The following CNBD1 variants were observed in gnomAD, a reference collection of about 807,000 sequenced individuals.
The protein encoded by CNBD1 is cyclic nucleotide binding domain containing 1, also known as cyclic nucleotide-binding domain-containing protein 1.
In CNBD1, 71 loss-of-function variants were observed where a neutral mutation model predicts 54.4. The observed-to-expected ratio is 1.30, with a 90% CI of 1.08 to 1.59. The LOEUF is 1.59. Ranked by LOEUF, CNBD1 falls within the 40% of genes most tolerant of loss-of-function variation. The pLI is 0.00. For synonymous variants in CNBD1, 182 were observed against 170.7 expected (o/e 1.07, Z -0.51); for missense variants, 659 against 518.0 (o/e 1.27, Z -2.64).
chr8:87,427,825 A>G (rs1586097640), intron 2 of CNBD1, among the ~76,000 whole-genome samples: 1 of 152,230 alleles, frequency 6.6e-6, no homozygotes, highest in African/African-American at 2.4e-5. Context: ...TTTTTCATGC[A>G]TTCAAGATGC....
chr8:87,418,626 G>C (rs530113361), intron 2 of CNBD1, among the ~76,000 whole-genome samples: 1 of 151,790 alleles, frequency 6.6e-6, no homozygotes, highest in East Asian at 1.9e-4. Context: ...TTAGGATCTA[G>C]TTTCTAGAAT....
chr8:87,409,745 G>T (rs1807708806), intron 2 of CNBD1, among the ~76,000 whole-genome samples: 1 of 152,080 alleles, frequency 6.6e-6, no homozygotes, highest in South Asian at 2.1e-4. Context: ...TAATTTGGCT[G>T]GGTGTGGTGG....
Position 87,380,022 on chromosome 8 carries a change from AG to A in CNBD1, c.1304-2596del, listed in dbSNP as rs199755500. 8.1e-3 allele frequency among the ~76,000 whole-genome samples: 1,222 copies of A among 151,304 alleles called. 6 individuals carry two copies. Among genetic ancestry groups the A allele is most frequent in the African/African-American group, 0.028 (1,153 of 40,884 alleles). On this transcript the variant is annotated intron_variant, in intron 10 of 10. Transcript: ENST00000518476. The stretch of plus-strand genomic sequence containing the variant: ...ACATCATCCACTGGTGCCACTTGGG[AG>A]GTTTTAGATAATGCAAGACAATAAT...
At chr8:86,946,272 A>G (rs1182302457) in intron 4 of CNBD1, among the ~76,000 whole-genome samples, 1 of 152,174 alleles carries the variant, frequency 6.6e-6, no homozygotes, top group Admixed American at 6.6e-5. Flanking sequence ...TTATGAATAA[A>G]TAACAGCTAT....
intron 6 of CNBD1, among the ~76,000 whole-genome samples, chr8:87,282,808 G>A (rs1281854950): frequency 3.3e-5 from 5 of 151,910 alleles, no homozygotes; most frequent in Non-Finnish European, 7.4e-5. Context: ...AAATTAAATG[G>A]ACAATATCTG....
chr8:86,958,334 G>C (rs996235316), intron 4 of CNBD1, among the ~76,000 whole-genome samples: 1 of 152,140 alleles, frequency 6.6e-6, no homozygotes, highest in African/African-American at 2.4e-5. Context: ...AGTTCTGTAG[G>C]TGTCTATTAG....
intron 8 of CNBD1, among the ~76,000 whole-genome samples, chr8:87,316,172 A>C (rs1809379976): frequency 6.6e-6 from 1 of 152,030 alleles, no homozygotes; most frequent in Admixed American, 6.6e-5. Context: ...ACAAACAGCA[A>C]GCTGTAATAT....
intron 4 of CNBD1, among the ~76,000 whole-genome samples, chr8:86,972,348 C>T (rs993157492): frequency 6.6e-6 from 1 of 151,972 alleles, no homozygotes; most frequent in East Asian, 1.9e-4. Context: ...AGTGATTTAC[C>T]ATATTGTGTG....
rs148020675 is a variant in CNBD1 at position 87,387,887 on chromosome 8, G to T, written c.213+34101G>T. On this transcript the variant is annotated intron_variant, in intron 2 of 7. Coordinates refer to the CNBD1 transcript ENST00000521593. ...CACTCCTCAGCAAGTGTAGAAAATA[G>T]AAATTATAACAAACTGTCTCTCAGA... 5.2e-3 allele frequency among the ~76,000 whole-genome samples: 784 copies of T among 152,188 alleles called. 15 individuals are homozygous for T. Among genetic ancestry groups the T allele is most frequent in the African/African-American group, 0.018 (757 of 41,542 alleles).
At chr8:87,404,232 G>A (rs1009970431) in intron 2 of CNBD1, among the ~76,000 whole-genome samples, 1 of 151,962 alleles carries the variant, frequency 6.6e-6, no homozygotes, top group Non-Finnish European at 1.5e-5. Flanking sequence ...TCAAAAGTTG[G>A]AACAGCTTGT....
At chr8:86,914,173 G>A (rs888135767) in intron 3 of CNBD1, among the ~76,000 whole-genome samples, 13 of 152,094 alleles carry the variant, frequency 8.5e-5, no homozygotes, top group African/African-American at 2.9e-4. Context: ...GTCCTGAGGC[G>A]ACATACATCC....
chr8:86,937,348 G>A (rs553771453), intron 3 of CNBD1, among the ~76,000 whole-genome samples: 2 of 152,206 alleles, frequency 1.3e-5, no homozygotes, highest in African/African-American at 4.8e-5. Context: ...TGGGATTTGG[G>A]TGGGGACACA....
chr8:87,389,383 G>T (rs1383765205), intron 2 of CNBD1, among the ~76,000 whole-genome samples: 1 of 152,200 alleles, frequency 6.6e-6, no homozygotes, highest in African/African-American at 2.4e-5. Context: ...TCTTCAAGCT[G>T]ATAGGCAACT....
chr8:87,335,871 C>A (rs558391175), intron 8 of CNBD1, among the ~76,000 whole-genome samples: 2 of 152,142 alleles, frequency 1.3e-5, no homozygotes, highest in African/African-American at 4.8e-5. Context: ...TTTAGTGCTT[C>A]CTTCAGGAAC....
chr8:87,175,706 GT>G (rs1466085613), intron 4 of CNBD1, among the ~76,000 whole-genome samples: 1 of 152,168 alleles, frequency 6.6e-6, no homozygotes, highest in Non-Finnish European at 1.5e-5. Flanking sequence ...CATAGCAGTT[GT>G]GCATGCACTC....
At chr8:86,950,052 GTTTTTTTTTT>G (rs55781806) in intron 4 of CNBD1, among the ~76,000 whole-genome samples, 43 of 14,316 alleles carry the variant, frequency 3.0e-3, no homozygotes, top group African/African-American at 0.012. Context: ...TGCCTCCCGG[GTTTTTTTTTT>G]TTTTTTTTTT....
chr8:87,120,841 T>G (rs748345383), intron 4 of CNBD1, among the ~76,000 whole-genome samples: 3 of 152,034 alleles, frequency 2.0e-5, no homozygotes, highest in African/African-American at 4.8e-5. Context: ...TCTATGTTAA[T>G]GAGAGCTATT....
intron 3 of CNBD1, among the ~76,000 whole-genome samples, chr8:86,938,745 G>A (rs1386441209): frequency 1.3e-5 from 2 of 152,130 alleles, no homozygotes; most frequent in Non-Finnish European, 2.9e-5. Context: ...GATTTGGGTG[G>A]GGACACAGCC....
At chr8:87,372,085 A>C (rs919183525) in intron 10 of CNBD1, among the ~76,000 whole-genome samples, 4 of 152,030 alleles carry the variant, frequency 2.6e-5, no homozygotes, top group African/African-American at 9.7e-5. Flanking sequence ...ATATCCAGAA[A>C]ACCCCACTGT....
Sources: allele counts gnomAD v4.1 joint callset (sites outside exome capture counted in the v4.1 genomes callset), GRCh38; gene constraint gnomAD v4.1.1; transcripts MANE v1.5; gene names NCBI Gene and HGNC (gene_info 2026-07-23, HGNC 2026-07-21).